The following PALLD variants were observed in gnomAD, a reference collection of about 807,000 sequenced individuals.
PALLD encodes palladin.
In PALLD, 61 loss-of-function variants were observed where a neutral mutation model predicts 123.5. The observed-to-expected ratio is 0.49, with a 90% CI of 0.40 to 0.61. PALLD has a LOEUF of 0.61. Ranked by LOEUF, PALLD falls within the 20% of genes least tolerant of loss-of-function variation. The probability of loss-of-function intolerance (pLI) is 0.00; values close to 1 mark genes in which losing one functional copy is unlikely to be tolerated. For synonymous variants in PALLD, 465 were observed against 496.4 expected (o/e 0.94, Z 0.84); for missense variants, 1,273 against 1,377.0 (o/e 0.92, Z 1.20).
At chr4:168,626,481 G>A (rs910773456) in intron 2 of PALLD, among the ~76,000 whole-genome samples, 2 of 151,706 alleles carry the variant, frequency 1.3e-5, no homozygotes, top group Non-Finnish European at 2.9e-5. Flanking sequence ...AGGCAGAGGC[G>A]GGTGGATTGC....
chr4:168,759,203 ATATATATATATATATATATATATATAT>A (rs1426609659), intron 10 of PALLD, among the ~76,000 whole-genome samples: 4 of 39,492 alleles, frequency 1.0e-4, no homozygotes, highest in Non-Finnish European at 1.2e-4. Context: ...AAAAAAAAAA[ATATATATATATATATATATATATATAT>A]ATATATATAT....
At chr4:168,575,635 C>G (rs1214145991) in intron 2 of PALLD, among the ~76,000 whole-genome samples, 1 of 152,028 alleles carries the variant, frequency 6.6e-6, no homozygotes, top group Non-Finnish European at 1.5e-5. Context: ...TCGGAGCTGC[C>G]GTTGCTGGTC....
At chr4:168,588,322 A>G (rs1771050856) in intron 2 of PALLD, among the ~76,000 whole-genome samples, 1 of 152,100 alleles carries the variant, frequency 6.6e-6, no homozygotes, top group Non-Finnish European at 1.5e-5. Context: ...AGAGAGGAGC[A>G]CCTTAAAGAA....
At chr4:168,752,297 C>T in intron 10 of PALLD, among the ~76,000 whole-genome samples, 1 of 152,188 alleles carries the variant, frequency 6.6e-6, no homozygotes, top group East Asian at 1.9e-4. Context: ...TCACTTGAGC[C>T]CAGGAGGCTG....
chr4:168,617,679 G>A (rs778245293), intron 2 of PALLD, among the ~76,000 whole-genome samples: 2 of 152,028 alleles, frequency 1.3e-5, no homozygotes, highest in African/African-American at 2.4e-5. Flanking sequence ...CAACTCCTTC[G>A]AACTTCAGTG....
intron 10 of PALLD, among the ~76,000 whole-genome samples, chr4:168,751,372 G>T (rs550035339): frequency 3.5e-4 from 53 of 152,248 alleles, no homozygotes; most frequent in Non-Finnish European, 1.2e-4. Flanking sequence ...AAGGTTTGAT[G>T]AATTATAAAA....
At chr4:168,925,476 C>T (rs1237861875) in intron 21 of PALLD, 198 bp downstream of exon 21, 1 of 596,496 alleles carries the variant, frequency 1.7e-6, no homozygotes, top group Non-Finnish European at 3.0e-6. Flanking sequence ...TATTCTATCG[C>T]AGTGTCCTAA....
In PALLD at chr4:168,639,748, G is replaced by A. The variant is rs186935795; in HGVS notation, c.909-28442G>A. ...TTTAGTAGAGACGGGGTTTCACCGT[G>A]TTAGCCAGGATGGTCTCGATCTTCT... On this transcript the variant is annotated intron_variant, in intron 2 of 21. Transcript: ENST00000505667. Among the ~76,000 whole-genome samples the A allele has an allele frequency of 5.9e-5, 9 of 152,096 alleles. No homozygotes were observed. The East Asian group carries it at 9.7e-4, about 16-fold the overall frequency.
chr4:168,627,405 G>A (rs948589342), intron 2 of PALLD, among the ~76,000 whole-genome samples: 1 of 152,086 alleles, frequency 6.6e-6, no homozygotes, highest in African/African-American at 2.4e-5. Flanking sequence ...AGATACTCGG[G>A]AGGCTGATGC....
At chr4:168,565,685 G>T (rs1383553066) in intron 2 of PALLD, among the ~76,000 whole-genome samples, 20 of 152,016 alleles carry the variant, frequency 1.3e-4, no homozygotes, top group Admixed American at 1.3e-3. Context: ...ACTCCTAGAA[G>T]CTCAATTCTG....
intron 10 of PALLD, among the ~76,000 whole-genome samples, chr4:168,873,424 C>T (rs1373724992): frequency 6.6e-6 from 1 of 152,174 alleles, no homozygotes; most frequent in Non-Finnish European, 1.5e-5. Context: ...AAATGTTTTT[C>T]AGCTTTGTGA....
In PALLD at chr4:168,665,775, A is replaced by G. The variant is rs11941645; in HGVS notation, c.909-2415A>G. The stretch of plus-strand genomic sequence containing the variant: ...TCTAACAAGCTTCCAGGTGATGCTG[A>G]TGCTGCTGGCCTCAGGACCACACTT... On this transcript the variant is annotated intron_variant, in intron 2 of 21. Coordinates refer to ENST00000505667, the MANE Select transcript of PALLD (RefSeq NM_001166108.2). Among the ~76,000 whole-genome samples the G allele has an allele frequency of 3.4e-3, 518 of 152,278 alleles. 6 individuals carry two copies. Among genetic ancestry groups the G allele is most frequent in the African/African-American group, 0.012 (494 of 41,556 alleles).
At chr4:168,519,545 T>C (rs1285762667) in intron 2 of PALLD, among the ~76,000 whole-genome samples, 1 of 152,122 alleles carries the variant, frequency 6.6e-6, no homozygotes. Flanking sequence ...ATTTATGGTG[T>C]TTCAGTAGAA....
chr4:168,637,943 C>CAAAAAAA (rs11416996), intron 2 of PALLD, among the ~76,000 whole-genome samples: 12 of 60,432 alleles, frequency 2.0e-4, no homozygotes, highest in African/African-American at 7.3e-4. Context: ...GAATACATCT[C>CAAAAAAA]AAAAAAAAAA....
chr4:168,794,028 C>T (rs565564626), intron 10 of PALLD, among the ~76,000 whole-genome samples: 1 of 152,320 alleles, frequency 6.6e-6, no homozygotes, highest in South Asian at 2.1e-4. Context: ...CCCCAGCTTT[C>T]TAGGGGCTGT....
chr4:168,542,125 C>A (rs984362110), intron 2 of PALLD, among the ~76,000 whole-genome samples: 7 of 152,184 alleles, frequency 4.6e-5, no homozygotes, highest in Non-Finnish European at 1.5e-5. Context: ...CTGTTATCCA[C>A]GTTTTGCAAG....
intron 3 of PALLD, among the ~76,000 whole-genome samples, chr4:168,672,870 A>C (rs1219375806): frequency 1.3e-5 from 2 of 152,184 alleles, no homozygotes; most frequent in Non-Finnish European, 2.9e-5. Context: ...AAGGCTAAGT[A>C]ATGACCAAGA....
chr4:168,529,109 G>C (rs925154276), intron 2 of PALLD, among the ~76,000 whole-genome samples: 5 of 152,172 alleles, frequency 3.3e-5, no homozygotes, highest in Admixed American at 3.3e-4. Flanking sequence ...CACTTTGGGA[G>C]GCTGGGGCTG....
intron 2 of PALLD, among the ~76,000 whole-genome samples, chr4:168,632,730 A>G: frequency 6.6e-6 from 1 of 152,240 alleles, no homozygotes; most frequent in East Asian, 1.9e-4. Context: ...ATTAGTTTTT[A>G]TGGAAAGCAT....
Sources: gnomAD v4.1 joint callset for allele counts (sites outside exome capture counted in the v4.1 genomes callset) on GRCh38, gnomAD v4.1.1 for gene constraint, MANE v1.5 for transcripts, NCBI Gene and HGNC (gene_info 2026-07-23, HGNC 2026-07-21) for gene names.